CDH4: variants seen among roughly 807,000 people sequenced by gnomAD.
CDH4 encodes cadherin-4.
A neutral mutation model predicts 86.0 loss-of-function variants in CDH4; 33 were observed. The ratio of observed to expected loss-of-function variants is 0.38; its 90% CI spans 0.29 to 0.51. CDH4 has a LOEUF of 0.51. CDH4 is among the 20% of genes least tolerant of loss of function. The probability of loss-of-function intolerance (pLI) is 0.86; values close to 1 mark genes in which losing one functional copy is unlikely to be tolerated. For missense variants in CDH4, 1,114 were observed against 1,307.4 expected (o/e 0.85, Z 2.28); for synonymous variants, 555 against 549.4 (o/e 1.01, Z -0.14).
In CDH4 at chr20:61,684,729, G is replaced by A. The variant is rs373411587; in HGVS notation, c.170-58834G>A. Reference sequence around the variant, plus strand: ...AGCTCCCAATCCTCGCCAGCACCTGGGACCTGCCACACCCACCCAGCACAG... The same window carrying A: ...AGCTCCCAATCCTCGCCAGCACCTGAGACCTGCCACACCCACCCAGCACAG... On this transcript the variant is annotated intron_variant, in intron 2 of 15. Coordinates refer to ENST00000614565, the MANE Select transcript of CDH4 (RefSeq NM_001794.5). The surrounding 1 kb of genome is among the most constrained non-coding windows in gnomAD (Gnocchi z 4.5). 5.3e-5 allele frequency among the ~76,000 whole-genome samples: 8 copies of A among 152,168 alleles called. 1 individual carries two copies. In the South Asian group the frequency reaches 1.0e-3, roughly 20 times the overall value.
intron 2 of CDH4, among the ~76,000 whole-genome samples, chr20:61,558,382 C>A (rs570269589): frequency 1.3e-5 from 2 of 152,220 alleles, no homozygotes; most frequent in African/African-American, 4.8e-5. Flanking sequence ...TTGATGCCAT[C>A]AGTACCCATG....
intron 2 of CDH4, among the ~76,000 whole-genome samples, chr20:61,383,785 GAAGATATA>G: frequency 1.7e-5 from 1 of 57,696 alleles, no homozygotes; most frequent in African/African-American, 7.3e-5. Flanking sequence ...GCATATATAT[GAAGATATA>G]TATGCATATA....
intron 2 of CDH4, among the ~76,000 whole-genome samples, chr20:61,465,676 C>A (rs1031469639): frequency 5.9e-5 from 9 of 152,090 alleles, no homozygotes; most frequent in Non-Finnish European, 1.3e-4. Flanking sequence ...GAATCTTTAT[C>A]TCCTGGTTTT....
chr20:61,837,231 A>C (rs1981924192), intron 4 of CDH4, among the ~76,000 whole-genome samples: 1 of 152,166 alleles, frequency 6.6e-6, no homozygotes, highest in African/African-American at 2.4e-5. Flanking sequence ...GCATCCCCCA[A>C]AGCTGCATTT....
chr20:61,595,272 G>A (rs1008875263), intron 2 of CDH4, among the ~76,000 whole-genome samples: 1 of 152,248 alleles, frequency 6.6e-6, no homozygotes, highest in Non-Finnish European at 1.5e-5. Flanking sequence ...GTGACCTGTG[G>A]GCGGGAAGGA....
intron 2 of CDH4, chr20:61,719,099 G>T: frequency 2.1e-6 from 1 of 471,078 alleles, no homozygotes; most frequent in Middle Eastern, 3.2e-4. Context: ...GATCAAAATC[G>T]TATCCCAGCC....
intron 7 of CDH4, among the ~76,000 whole-genome samples, chr20:61,880,679 C>A (rs987620688): frequency 1.3e-5 from 2 of 152,218 alleles, no homozygotes; most frequent in African/African-American, 4.8e-5. Flanking sequence ...GAGGCCGCCA[C>A]CCCTGGCCTT....
rs11479778 is a variant in CDH4 at position 61,693,884 on chromosome 20, C to CTTTTTT, written c.170-49658_170-49653dup. Among the ~76,000 whole-genome samples the CTTTTTT allele has an allele frequency of 1.2e-3, 103 of 82,714 alleles. 1 individual carries two copies. The highest frequency in any genetic ancestry group is 1.7e-3 in the Admixed American group (10 of 5,762). 54.3% of individuals were successfully genotyped at this position (82,714 alleles called of 152,430 possible). ...AACGCTTCTCAGACACTCTTTCTTT[C>CTTTTTT]TTTTTTTTTTTTTTTTTTTTTTTTT... On this transcript the variant is annotated intron_variant, in intron 2 of 15. Transcript: ENST00000614565.
Position 61,936,835 on chromosome 20 carries a change from C to G in CDH4, c.2643C>G (p.Ser881Arg). ...GCGGCTCCACCGCAGGCTCCGTCAG[C>G]TCCCTGAACTCATCCAGTTCCGGGG... ...EGSGSTAGSV[S>R]SLNSSSSGDQ... Residue 881 changes from serine to arginine, a missense_variant, in exon 16 of 16, where the codon AGC becomes AGG. By Grantham distance (110) the Ser-to-Arg change is moderately radical. Around this residue, in one of 3 missense-constraint regions of CDH4, gnomAD observed 188 missense variants for 183.8 expected, o/e 1.02. Transcript: ENST00000614565. 5 of 1,610,540 alleles carry G rather than the reference C, an allele frequency of 3.1e-6. No homozygotes were observed. The highest frequency in any genetic ancestry group is 4.2e-6 in the Non-Finnish European group (5 of 1,179,042).
intron 2 of CDH4, among the ~76,000 whole-genome samples, chr20:61,578,117 TG>T (rs1370932674): frequency 6.6e-6 from 1 of 152,180 alleles, no homozygotes; most frequent in Admixed American, 6.5e-5. Context: ...ATTCCCCATA[TG>T]TCCTCTCTGC....
At position 61,516,361 on chromosome 20, in the gene CDH4, TCACA is replaced by T. The variant is rs1338133074; in HGVS notation, c.170-227197_170-227194del. ...TGAGCAGTCATGGGACCAACATCTG[TCACA>T]CACATACAGAGCCCCCGTCGGACGC... is the stretch of plus-strand genomic sequence containing the variant. On this transcript the variant is annotated intron_variant, in intron 2 of 15. Transcript: ENST00000614565. The surrounding 1 kb of genome is among the most constrained non-coding windows in gnomAD (Gnocchi z 4.0). 2.6e-5 allele frequency among the ~76,000 whole-genome samples: 4 copies of T among 152,250 alleles called. No individual in the cohort carries two copies. The South Asian group carries it at 8.3e-4, about 32-fold the overall frequency.
At position 61,277,039 on chromosome 20, in the gene CDH4, T is replaced by C. The variant is rs542635382; in HGVS notation, c.169+22102T>C. Among the ~76,000 whole-genome samples the C allele has an allele frequency of 2.0e-5, 3 of 152,288 alleles. No homozygotes were observed. The South Asian group carries it at 6.2e-4, about 32-fold the overall frequency. The stretch of plus-strand genomic sequence containing the variant: ...CCAGGCCTCTGTCCCTTTTTCCCTG[T>C]CACACGCCCACCCCCTTCTAGGCAC... On this transcript the variant is annotated intron_variant, in intron 2 of 15. Transcript: ENST00000614565.
Position 61,928,181 on chromosome 20 carries a change from G to C in CDH4, c.1772-9G>C. On this transcript the variant is annotated splice_polypyrimidine_tract_variant and intron_variant, in intron 11 of 15. Transcript: ENST00000614565. ...GTGGCCCGTGTGGTGACCTGTGTCTGTTCCACAGGGATACCCCCGGCCAGC... is the reference window on the plus strand; with the variant it reads ...GTGGCCCGTGTGGTGACCTGTGTCTCTTCCACAGGGATACCCCCGGCCAGC... The C allele has an allele frequency of 6.3e-7, 1 of 1,595,792 alleles. No homozygotes were observed. Among genetic ancestry groups the C allele is most frequent in the South Asian group, 1.1e-5 (1 of 91,020 alleles).
At chr20:61,409,140 G>T (rs11698218) in intron 2 of CDH4, among the ~76,000 whole-genome samples, 1 of 152,094 alleles carries the variant, frequency 6.6e-6, no homozygotes, top group Admixed American at 6.5e-5. Flanking sequence ...ACTCCATCAC[G>T]TGGTGGGGAC....
chr20:61,256,820 C>T (rs1401489543), intron 2 of CDH4, among the ~76,000 whole-genome samples: 3 of 152,232 alleles, frequency 2.0e-5, no homozygotes, highest in Non-Finnish European at 4.4e-5. Context: ...GCTTCTCCTG[C>T]GCCTGTGTGG....
At chr20:61,835,079 C>CTTGTT (rs995887545) in intron 4 of CDH4, among the ~76,000 whole-genome samples, 1 of 152,118 alleles carries the variant, frequency 6.6e-6, no homozygotes, top group Non-Finnish European at 1.5e-5. Context: ...CATTTTTTGT[C>CTTGTT]TTGTTTTGTT....
chr20:61,367,725 G>GA (rs1242412988), intron 2 of CDH4, among the ~76,000 whole-genome samples: 1 of 152,158 alleles, frequency 6.6e-6, no homozygotes, highest in Non-Finnish European at 1.5e-5. Flanking sequence ...CATGGAATGA[G>GA]AAAATCACCA....
chr20:61,736,660 A>G (rs1352676224), intron 2 of CDH4, among the ~76,000 whole-genome samples: 1 of 77,084 alleles, frequency 1.3e-5, no homozygotes, highest in Non-Finnish European at 2.7e-5. Flanking sequence ...AGAGAGAGAG[A>G]GGGAGAGAGA....
intron 2 of CDH4, among the ~76,000 whole-genome samples, chr20:61,714,820 C>G (rs1364604794): frequency 6.6e-6 from 1 of 152,188 alleles, no homozygotes; most frequent in East Asian, 1.9e-4. Flanking sequence ...CTGATGGGCA[C>G]TTGGGTTGGT....
Sources: allele counts gnomAD v4.1 joint callset (sites outside exome capture counted in the v4.1 genomes callset), GRCh38; gene constraint gnomAD v4.1.1; regional missense constraint gnomAD v4.1.1; non-coding constraint Gnocchi (gnomAD v3.1); transcripts MANE v1.5; gene names NCBI Gene and HGNC (gene_info 2026-07-23, HGNC 2026-07-21).